Variants in HS3ST5 observed in about 807,000 individuals in gnomAD.
HS3ST5 encodes heparan sulfate-glucosamine 3-sulfotransferase 5.
In HS3ST5, 10 loss-of-function variants were observed where a neutral mutation model predicts 25.4. The observed-to-expected ratio is 0.39, with a 90% CI of 0.24 to 0.67. The LOEUF (loss-of-function observed/expected upper bound fraction) is 0.67. Among genes scored for constraint, HS3ST5 ranks in the 30% least tolerant of loss-of-function variants. The pLI, the probability that HS3ST5 is intolerant of heterozygous loss-of-function variation, is 0.44. For synonymous variants in HS3ST5, 170 were observed against 162.4 expected, an observed-to-expected ratio of 1.05 and a Z score of -0.36; for missense variants, 324 against 420.7, an observed-to-expected ratio of 0.77 and a Z score of 2.01.
chr6:114,120,677 A>G (rs914290207), intron 3 of HS3ST5, among the ~76,000 whole-genome samples: 1 of 132,162 alleles, frequency 7.6e-6, no homozygotes, highest in Non-Finnish European at 1.6e-5. Flanking sequence ...CATGGAAGAT[A>G]TAAAGTTGCT....
intron 1 of HS3ST5, among the ~76,000 whole-genome samples, chr6:114,297,102 G>A (rs1383234841): frequency 6.6e-6 from 1 of 152,126 alleles, no homozygotes; most frequent in South Asian, 2.1e-4. Context: ...TCTCTTTATA[G>A]AGAGATGGAC....
chr6:114,167,815 C>G (rs1444049133), intron 3 of HS3ST5: 1 of 152,120 alleles, frequency 6.6e-6, no homozygotes, highest in African/African-American at 2.4e-5. Flanking sequence ...AGGTATACAA[C>G]AAGTTCTACA....
At chr6:114,337,987 G>GA (rs1441519123) in intron 1 of HS3ST5, among the ~76,000 whole-genome samples, 1 of 152,008 alleles carries the variant, frequency 6.6e-6, no homozygotes, top group East Asian at 1.9e-4. Flanking sequence ...TGTAAAATGG[G>GA]AAATGACAGG....
chr6:114,217,350 G>T (rs1437340496), intron 2 of HS3ST5, among the ~76,000 whole-genome samples: 1 of 152,122 alleles, frequency 6.6e-6, no homozygotes, highest in Non-Finnish European at 1.5e-5. Flanking sequence ...GAGAATAAAA[G>T]TATTCTATTA....
At chr6:114,248,550 T>G (rs1325639514) in intron 1 of HS3ST5, among the ~76,000 whole-genome samples, 1 of 152,120 alleles carries the variant, frequency 6.6e-6, no homozygotes, top group African/African-American at 2.4e-5. Context: ...TACCAGACAG[T>G]CATGGGCACC....
At chr6:114,086,387 A>G (rs1444181861) in intron 3 of HS3ST5, among the ~76,000 whole-genome samples, 3 of 152,234 alleles carry the variant, frequency 2.0e-5, no homozygotes, top group Non-Finnish European at 4.4e-5. Flanking sequence ...TTTGGAAAGC[A>G]GCCTCTAGGA....
intron 1 of HS3ST5, among the ~76,000 whole-genome samples, chr6:114,324,764 A>C (rs1309135478): frequency 6.6e-6 from 1 of 152,228 alleles, no homozygotes; most frequent in Non-Finnish European, 1.5e-5. Context: ...CAACATATTC[A>C]GGTGCATTCA....
intron 1 of HS3ST5, among the ~76,000 whole-genome samples, chr6:114,275,923 G>A (rs948914680): frequency 1.3e-5 from 2 of 152,014 alleles, no homozygotes; most frequent in East Asian, 1.9e-4. Context: ...AAAAGTCCTC[G>A]TAGTTTGGGC....
chr6:114,265,036 C>A (rs1773344697), intron 1 of HS3ST5, among the ~76,000 whole-genome samples: 1 of 152,096 alleles, frequency 6.6e-6, no homozygotes, highest in Non-Finnish European at 1.5e-5. Context: ...CATGCCACCA[C>A]ACCCAACTAA....
chr6:114,311,226 G>A (rs1775516053), intron 1 of HS3ST5, among the ~76,000 whole-genome samples: 1 of 152,076 alleles, frequency 6.6e-6, no homozygotes. Context: ...AATAAAATCT[G>A]ATGCTATTCG....
At chr6:114,078,084 C>T (rs1203411364) in intron 3 of HS3ST5, among the ~76,000 whole-genome samples, 1 of 152,084 alleles carries the variant, frequency 6.6e-6, no homozygotes, top group Non-Finnish European at 1.5e-5. Context: ...CAAGTTAGAT[C>T]CAAAAATTTA....
chr6:114,099,369 T>G (rs548659703), intron 3 of HS3ST5, among the ~76,000 whole-genome samples: 25 of 152,308 alleles, frequency 1.6e-4, no homozygotes, highest in African/African-American at 5.1e-4. Context: ...AAGTTTTTGT[T>G]ACAGATTCCT....
intron 3 of HS3ST5, among the ~76,000 whole-genome samples, chr6:114,151,056 T>C (rs1778427105): frequency 6.6e-6 from 1 of 152,190 alleles, no homozygotes; most frequent in South Asian, 2.1e-4. Flanking sequence ...ATGACTGTTT[T>C]ACAAGTCATT....
intron 2 of HS3ST5, among the ~76,000 whole-genome samples, chr6:114,209,760 G>A (rs1046210068): frequency 1.3e-5 from 2 of 152,044 alleles, no homozygotes; most frequent in African/African-American, 2.4e-5. Flanking sequence ...GTCAGAAGGG[G>A]GAAAAAAGAA....
chr6:114,132,443 T>C (rs527531913), intron 3 of HS3ST5: 2 of 152,348 alleles, frequency 1.3e-5, no homozygotes, highest in East Asian at 3.9e-4. Context: ...TGCATACCAT[T>C]TGGCTGGCCA....
chr6:114,173,944 A>G (rs565914780), intron 2 of HS3ST5, among the ~76,000 whole-genome samples: 13 of 152,118 alleles, frequency 8.5e-5, no homozygotes, highest in Non-Finnish European at 1.9e-4. Flanking sequence ...GGCAATGCAG[A>G]CTCTGCCTAT....
Position 114,251,626 on chromosome 6 carries a change from C to T in HS3ST5, c.-338-22848G>A, listed in dbSNP as rs993295411. On this transcript the variant is annotated intron_variant, in intron 1 of 4. Transcript: ENST00000312719. ...GTAGGCATATCTAATCTCCAGGCCA[C>T]ACCAATTGGTTCAGGGTTGAACACA... 2.6e-5 allele frequency: 4 copies of T among 152,070 alleles called. No individual in the cohort carries two copies. In the South Asian group the frequency reaches 6.2e-4, roughly 24 times the overall value. The allele number at this position is 152,070 out of a possible 1,614,324, so 9.4% of individuals were successfully genotyped here.
At chr6:114,182,224 G>T (rs940027684) in intron 2 of HS3ST5, among the ~76,000 whole-genome samples, 8 of 152,156 alleles carry the variant, frequency 5.3e-5, no homozygotes, top group African/African-American at 1.9e-4. Context: ...AGAAGAGATT[G>T]ATCATCCCTA....
chr6:114,090,872 G>A (rs1342054620), intron 3 of HS3ST5, among the ~76,000 whole-genome samples: 1 of 152,188 alleles, frequency 6.6e-6, no homozygotes, highest in Non-Finnish European at 1.5e-5. Flanking sequence ...CAGTACAATT[G>A]CCCTCTTAGC....
Sources: allele counts gnomAD v4.1 joint callset (sites outside exome capture counted in the v4.1 genomes callset), GRCh38; gene constraint gnomAD v4.1.1; transcripts MANE v1.5; gene names NCBI Gene and HGNC (gene_info 2026-07-23, HGNC 2026-07-21).